Variants in CFAP58 observed in about 807,000 individuals in gnomAD.
The protein encoded by CFAP58 is cilia- and flagella-associated protein 58.
In CFAP58, 88 loss-of-function variants were observed where a neutral mutation model predicts 119.5. That is an observed-to-expected ratio of 0.74 (90% CI 0.62 to 0.88). The LOEUF (loss-of-function observed/expected upper bound fraction) is 0.88. Among genes scored for constraint, CFAP58 ranks in the 40% least tolerant of loss-of-function variants. CFAP58 has a pLI of 0.00. For missense variants in CFAP58, 990 were observed against 1,021.2 expected (o/e 0.97, Z 0.42); for synonymous variants, 365 against 366.3 (o/e 1.00, Z 0.04).
chr10:104,366,614 A>T (rs1275329398), intron 5 of CFAP58, among the ~76,000 whole-genome samples: 1 of 152,206 alleles, frequency 6.6e-6, no homozygotes, highest in Non-Finnish European at 1.5e-5. Context: ...GTGGCTATTT[A>T]AATTCAACTT....
At chr10:104,366,188 GC>G (rs1295933165) in intron 5 of CFAP58, among the ~76,000 whole-genome samples, 180 bp downstream of exon 5, 1 of 151,918 alleles carries the variant, frequency 6.6e-6, no homozygotes, top group Non-Finnish European at 1.5e-5. Context: ...AGGTAGTTAT[GC>G]CCCCCCTTTT....
intron 13 of CFAP58, among the ~76,000 whole-genome samples, chr10:104,401,281 T>C (rs959369626): frequency 3.9e-5 from 6 of 152,236 alleles, no homozygotes; most frequent in Non-Finnish European, 8.8e-5. Context: ...AGCATCAATA[T>C]TGAAATTTAA....
At chr10:104,364,423 G>A (rs921677159) in intron 3 of CFAP58, among the ~76,000 whole-genome samples, 1 of 114,350 alleles carries the variant, frequency 8.7e-6, no homozygotes, top group South Asian at 3.1e-4. Context: ...AAAAATGTCT[G>A]TAAAACACAC....
chr10:104,380,691 T>C (rs1241981637), intron 9 of CFAP58, among the ~76,000 whole-genome samples: 1 of 152,160 alleles, frequency 6.6e-6, no homozygotes, highest in Non-Finnish European at 1.5e-5. Context: ...CTGCTAGGTG[T>C]GTCAATATTC....
intron 15 of CFAP58, among the ~76,000 whole-genome samples, chr10:104,435,889 ATCT>A (rs2012925601): frequency 6.6e-6 from 1 of 152,156 alleles, no homozygotes; most frequent in Non-Finnish European, 1.5e-5. Context: ...TGAACTTACC[ATCT>A]TCTGCCTGAA....
At chr10:104,361,770 C>G (rs2014668922) in intron 2 of CFAP58, among the ~76,000 whole-genome samples, 1 of 152,190 alleles carries the variant, frequency 6.6e-6, no homozygotes, top group Admixed American at 6.5e-5. Flanking sequence ...ACTGCAGCCT[C>G]AAATTCCCGG....
the CFAP58 span, among the ~76,000 whole-genome samples, chr10:104,345,915 T>A: frequency 4.6e-5 from 7 of 152,128 alleles, 1 homozygote; most frequent in African/African-American, 1.5e-4. Context: ...TTAAAATTTT[T>A]AAAATATATT....
chr10:104,451,977 G>A (rs1240129168), intron 17 of CFAP58, among the ~76,000 whole-genome samples: 4 of 151,434 alleles, frequency 2.6e-5, no homozygotes, highest in African/African-American at 2.4e-5. Context: ...GGCCCCAAGT[G>A]ATCTGCTGGC....
chr10:104,432,794 C>A (rs2012871108), intron 15 of CFAP58, among the ~76,000 whole-genome samples: 1 of 152,158 alleles, frequency 6.6e-6, no homozygotes, highest in South Asian at 2.1e-4. Flanking sequence ...AGCCACCGCG[C>A]CCGGCCAGTA....
intron 15 of CFAP58, among the ~76,000 whole-genome samples, chr10:104,423,693 A>G (rs1343223066): frequency 6.6e-6 from 1 of 152,230 alleles, no homozygotes. Flanking sequence ...ATACAATTAT[A>G]TCTTACTCCC....
At position 104,400,664 on chromosome 10, in the gene CFAP58, C is replaced by T. The variant is rs1263838847; in HGVS notation, c.1816-16C>T. ...TCCTCCTTCCCTGGTGACTATGCCC[C>T]TCCCTACCTTCCTAGGTCATCAGTG... On this transcript the variant is annotated splice_polypyrimidine_tract_variant and intron_variant, in intron 12 of 17. Transcript: ENST00000369704. 7 of 1,609,390 alleles carry T rather than the reference C, an allele frequency of 4.3e-6. No individual in the cohort carries two copies. The highest frequency in any genetic ancestry group is 1.9e-4 in the Middle Eastern group (1 of 5,276).
At chr10:104,412,181 A>G (rs2012471499) in intron 15 of CFAP58, among the ~76,000 whole-genome samples, 1 of 152,202 alleles carries the variant, frequency 6.6e-6, no homozygotes, top group Non-Finnish European at 1.5e-5. Context: ...ACATATTGCC[A>G]TAAACAGAAA....
chr10:104,342,732 C>T, the CFAP58 span, among the ~76,000 whole-genome samples: 2 of 149,362 alleles, frequency 1.3e-5, no homozygotes, highest in African/African-American at 4.9e-5. Flanking sequence ...GTAATTCCAG[C>T]TACTCTGGAG....
chr10:104,355,347 T>C lies in CFAP58; in HGVS notation c.9+1441T>C, dbSNP rs549710126. Among the ~76,000 whole-genome samples the C allele has an allele frequency of 1.4e-4, 21 of 152,334 alleles. 1 individual carries two copies. Among genetic ancestry groups the C allele is most frequent in the African/African-American group, 4.6e-4 (19 of 41,592 alleles). ...CCTTGGCTCTGCCCTATTCAGGATA[T>C]ATTTGCATATTTCTGTGAGGAACCC... On this transcript the variant is annotated intron_variant, in intron 1 of 17. Coordinates refer to ENST00000369704, the MANE Select transcript of CFAP58 (RefSeq NM_001008723.2).
At chr10:104,371,290 A>T (rs1412898868) in intron 7 of CFAP58, among the ~76,000 whole-genome samples, 1 of 152,174 alleles carries the variant, frequency 6.6e-6, no homozygotes, top group East Asian at 1.9e-4. Context: ...TGACAATCCA[A>T]CCTGAAGTAT....
At position 104,404,877 on chromosome 10, in the gene CFAP58, G is replaced by A. The variant is rs369548575; in HGVS notation, c.2151+1037G>A. On this transcript the variant is annotated intron_variant, in intron 14 of 17. Coordinates refer to ENST00000369704, the MANE Select transcript of CFAP58 (RefSeq NM_001008723.2). The stretch of plus-strand genomic sequence containing the variant: ...CTCCCAAAGTGCTGGGATTACAGGC[G>A]TGAGCCACCACGCCCAGGCTTTGTT... Among the ~76,000 whole-genome samples the A allele has an allele frequency of 2.0e-4, 31 of 152,294 alleles. No individual in the cohort carries two copies. In the South Asian group the frequency reaches 6.2e-3, roughly 31 times the overall value.
rs1564875326 is a variant in CFAP58 at position 104,357,808 on chromosome 10, T to TATATACAC, written c.10-528_10-527insCACATATA. ...GTTTATATACATATATATACACACA[T>TATATACAC]ATATATGTACATATATACACATATA... is the stretch of plus-strand genomic sequence containing the variant. On this transcript the variant is annotated intron_variant, in intron 1 of 17. Transcript: ENST00000369704. 1.2e-3 allele frequency among the ~76,000 whole-genome samples: 169 copies of TATATACAC among 137,340 alleles called. 29 individuals are homozygous for TATATACAC. The highest frequency in any genetic ancestry group is 5.4e-3 in the African/African-American group (162 of 29,900). 90.1% of individuals were successfully genotyped at this position (137,340 alleles called of 152,430 possible).
At chr10:104,382,287 G>A in intron 9 of CFAP58, 1 of 693,766 alleles carries the variant, frequency 1.4e-6, no homozygotes, top group Non-Finnish European at 2.7e-6. Flanking sequence ...GGACATCCTG[G>A]GCAGGAGTGT....
intron 15 of CFAP58, among the ~76,000 whole-genome samples, chr10:104,427,949 G>A (rs552939392): frequency 1.6e-4 from 24 of 152,342 alleles, no homozygotes; most frequent in Non-Finnish European, 2.8e-4. Context: ...GAAACTGGCT[G>A]TTGTGTGAGA....
Sources: allele counts gnomAD v4.1 joint callset (sites outside exome capture counted in the v4.1 genomes callset), GRCh38; gene constraint gnomAD v4.1.1; transcripts MANE v1.5; gene names NCBI Gene and HGNC (gene_info 2026-07-23, HGNC 2026-07-21).